The following NDE1 variants were observed in gnomAD, a reference collection of about 807,000 sequenced individuals.
NDE1 encodes the protein nudE neurodevelopment protein 1, also known as nuclear distribution protein nudE homolog 1.
Under a neutral mutation model 43.4 loss-of-function variants are expected in NDE1, and 28 were observed. The observed-to-expected ratio is 0.65, with a 90% CI of 0.48 to 0.89. The LOEUF (loss-of-function observed/expected upper bound fraction) is 0.89. Ranked by LOEUF, NDE1 falls within the 40% of genes least tolerant of loss-of-function variation. The pLI is 0.00. For synonymous variants in NDE1, 184 were observed against 172.0 expected (o/e 1.07, Z -0.55); for missense variants, 441 against 434.1 (o/e 1.02, Z -0.14).
chr16:15,694,540 G>A (rs374385076), intron 7 of NDE1: 1 of 805,082 alleles, frequency 1.2e-6, no homozygotes, highest in Middle Eastern at 6.5e-4. Flanking sequence ...AGTAATGTGG[G>A]TATCGCTGTG....
At chr16:15,698,196 G>T (rs1436080132) in intron 8 of NDE1, among the ~76,000 whole-genome samples, 1 of 152,160 alleles carries the variant, frequency 6.6e-6, no homozygotes, top group African/African-American at 2.4e-5. Flanking sequence ...CGATGGGACA[G>T]TGCAGATCTG....
intron 3 of NDE1, among the ~76,000 whole-genome samples, chr16:15,675,009 T>TG (rs1160867418): frequency 6.6e-6 from 1 of 152,112 alleles, no homozygotes; most frequent in Non-Finnish European, 1.5e-5. Flanking sequence ...TGGCTTTCTT[T>TG]GGTTGTGGAC....
chr16:15,719,845 A>G (rs761599222), intron 8 of NDE1: 1 of 1,342,990 alleles, frequency 7.4e-7, no homozygotes, highest in Non-Finnish European at 1.0e-6. Flanking sequence ...TTGCACGAGC[A>G]TGGCTCTCAG....
chr16:15,685,654 A>G (rs1266717994), intron 4 of NDE1, among the ~76,000 whole-genome samples: 1 of 152,132 alleles, frequency 6.6e-6, no homozygotes, highest in Non-Finnish European at 1.5e-5. Context: ...ACATAGTAGG[A>G]TATGTTGAAT....
At chr16:15,659,748 CTTTT>C (rs36112475) in intron 1 of NDE1, among the ~76,000 whole-genome samples, 2 of 98,960 alleles carry the variant, frequency 2.0e-5, no homozygotes, top group Non-Finnish European at 2.2e-5. Flanking sequence ...TGGACACAAT[CTTTT>C]TTTTTTTTTT....
intron 7 of NDE1, among the ~76,000 whole-genome samples, chr16:15,695,139 C>G (rs1012944872): frequency 6.6e-6 from 1 of 150,600 alleles, no homozygotes; most frequent in Non-Finnish European, 1.5e-5. Context: ...AGCTGAGATT[C>G]CAACACTGCA....
intron 7 of NDE1, 47 bp downstream of exon 7, chr16:15,694,303 C>T: frequency 1.2e-6 from 2 of 1,600,956 alleles, no homozygotes; most frequent in Non-Finnish European, 1.7e-6. Context: ...GCCTGTCTTT[C>T]AGGATGTGTG....
intron 1 of NDE1, among the ~76,000 whole-genome samples, chr16:15,661,959 G>A (rs1233935570): frequency 3.3e-5 from 5 of 151,420 alleles, no homozygotes; most frequent in Admixed American, 2.6e-4. Context: ...TTTTAGACAA[G>A]GTCTCACTCT....
intron 1 of NDE1, among the ~76,000 whole-genome samples, chr16:15,663,961 C>T (rs578186716): frequency 1.3e-3 from 192 of 152,022 alleles, no homozygotes; most frequent in African/African-American, 4.3e-3. Flanking sequence ...CGCAGTTGCT[C>T]GGGAGGCTGA....
chr16:15,674,246 T>TTTTG (rs531917973), intron 3 of NDE1, among the ~76,000 whole-genome samples: 1 of 152,090 alleles, frequency 6.6e-6, no homozygotes, highest in Non-Finnish European at 1.5e-5. Flanking sequence ...CTGTCTTAGT[T>TTTTG]TTTGTTTGTT....
chr16:15,676,572 C>T lies in NDE1; in HGVS notation c.238-1229C>T, dbSNP rs536872862. Among the ~76,000 whole-genome samples the T allele has an allele frequency of 6.6e-5, 10 of 152,160 alleles. No homozygotes were observed. The South Asian group carries it at 1.9e-3, about 28-fold the overall frequency. On this transcript the variant is annotated intron_variant, in intron 3 of 8. Coordinates refer to ENST00000396354, the MANE Select transcript of NDE1 (RefSeq NM_017668.3). ...TGTTCCTTTTTTCTCCATGTCACAA[C>T]GGGGAGTCCTGGATCAAAAATTCAG... is the stretch of plus-strand genomic sequence containing the variant.
In NDE1 at chr16:15,721,433, C is replaced by T. The variant is rs919030976; in HGVS notation, c.948-2758C>T. The T allele has an allele frequency of 6.2e-7, 1 of 1,614,166 alleles. No homozygotes were observed. The highest frequency in any genetic ancestry group is 8.5e-7 in the Non-Finnish European group (1 of 1,180,010). ...CCAGAGCCACTTACGTTCTTGCCCA[C>T]GTCATCCTTGGAGCTGACCAGGTCT... is the stretch of plus-strand genomic sequence containing the variant. On this transcript the variant is annotated intron_variant, in intron 8 of 8. Coordinates refer to ENST00000396354, the MANE Select transcript of NDE1 (RefSeq NM_017668.3).
chr16:15,652,450 T>G (rs2036549629), intron 1 of NDE1, among the ~76,000 whole-genome samples: 1 of 152,232 alleles, frequency 6.6e-6, no homozygotes, highest in Non-Finnish European at 1.5e-5. Context: ...AGTTTGTGCC[T>G]GCAGTTAGTA....
At chr16:15,700,055 A>T (rs1029195832) in intron 8 of NDE1, 1 of 1,172,082 alleles carries the variant, frequency 8.5e-7, no homozygotes, top group African/African-American at 1.6e-5. Flanking sequence ...AAAGAGGGAC[A>T]AAAGGGGCTC....
intron 7 of NDE1, 105 bp downstream of exon 7, chr16:15,694,361 T>A: frequency 3.2e-6 from 5 of 1,545,436 alleles, no homozygotes; most frequent in Non-Finnish European, 4.4e-6. Context: ...TTCTTTTTTT[T>A]TAGAGACAGG....
intron 8 of NDE1, among the ~76,000 whole-genome samples, chr16:15,707,366 AG>A (rs1163230771): frequency 6.6e-6 from 1 of 152,168 alleles, no homozygotes; most frequent in Non-Finnish European, 1.5e-5. Flanking sequence ...AGCTTATCCA[AG>A]GCCTCGGGAA....
intron 4 of NDE1, among the ~76,000 whole-genome samples, chr16:15,685,133 G>T (rs1432991979): frequency 6.6e-6 from 1 of 152,200 alleles, no homozygotes; most frequent in Non-Finnish European, 1.5e-5. Flanking sequence ...CAAGCATTCT[G>T]TACTACTCTA....
intron 8 of NDE1, among the ~76,000 whole-genome samples, chr16:15,723,862 T>C (rs746800262): frequency 2.7e-4 from 41 of 152,206 alleles, no homozygotes; most frequent in Non-Finnish European, 2.2e-4. Context: ...AGTGAATAAA[T>C]AAGCACCTCA....
intron 8 of NDE1, chr16:15,701,723 T>C (rs1596656554): frequency 6.6e-6 from 1 of 152,170 alleles, no homozygotes; most frequent in East Asian, 1.9e-4. Flanking sequence ...GGCCTTCATT[T>C]TGTTACTAAG....
Sources: allele counts gnomAD v4.1 joint callset (sites outside exome capture counted in the v4.1 genomes callset), GRCh38; gene constraint gnomAD v4.1.1; transcripts MANE v1.5; gene names NCBI Gene and HGNC (gene_info 2026-07-23, HGNC 2026-07-21).